The following DNAH17 variants were observed in gnomAD, a reference collection of about 807,000 sequenced individuals.
The protein encoded by DNAH17 is axonemal beta dynein heavy chain 17.
A neutral mutation model predicts 485.6 loss-of-function variants in DNAH17; 376 were observed. The ratio of observed to expected loss-of-function variants is 0.77; its 90% CI spans 0.71 to 0.84. DNAH17 has a LOEUF of 0.84. Among genes scored for constraint, DNAH17 ranks in the 40% least tolerant of loss-of-function variants. The pLI, the probability that DNAH17 is intolerant of heterozygous loss-of-function variation, is 0.00. For synonymous variants in DNAH17, 3,031 were observed against 2,405.9 expected (o/e 1.26, Z -7.60); for missense variants, 6,370 against 5,839.3 (o/e 1.09, Z -2.96).
At chr17:78,468,971 A>AT (rs1568101384) in intron 54 of DNAH17, 88 bp from the exon 55 acceptor site, 3 of 1,478,712 alleles carry the variant, frequency 2.0e-6, no homozygotes, top group East Asian at 2.3e-5. Flanking sequence ...GCACAGGGCC[A>AT]TTTTTTCTTT....
chr17:78,556,929 T>TGATACC (rs1366408145), intron 14 of DNAH17, among the ~76,000 whole-genome samples: 1 of 152,192 alleles, frequency 6.6e-6, no homozygotes, highest in Non-Finnish European at 1.5e-5. Context: ...AGAACACGTA[T>TGATACC]GATACCATTG....
chr17:78,499,109 A>G lies in DNAH17; in HGVS notation c.5644T>C (p.Cys1882Arg), dbSNP rs1269038116. 2 of 1,582,578 alleles carry G rather than the reference A, an allele frequency of 1.3e-6. No homozygotes were observed. Among genetic ancestry groups the G allele is most frequent in the Non-Finnish European group, 1.7e-6 (2 of 1,165,244 alleles). Residue 1882 changes from cysteine (C) to arginine (R), a missense_variant, in exon 37 of 81, where the codon TGT (cysteine) becomes CGT (arginine). Coordinates refer to ENST00000389840, the MANE Select transcript of DNAH17 (RefSeq NM_173628.4). ...GCCAGGCCCTTGTAGATATTTCCAC[A>G]GGACTGGAAAGGGCGAGATGGAGAA... ...NCSEQMDYKSCGNIYKGLAQT... is the reference protein window; with the variant it reads ...NCSEQMDYKSRGNIYKGLAQT...
Position 78,475,797 on chromosome 17 carries a change from T to C in DNAH17, c.8191A>G (p.Ile2731Val). 6.2e-7 allele frequency: 1 copy of C among 1,613,844 alleles called. No homozygotes were observed. The highest frequency in any genetic ancestry group is 1.1e-5 in the South Asian group (1 of 91,054). The change falls in exon 53 of 81, where the codon ATC (isoleucine) becomes GTC (valine). Residue 2731 changes from isoleucine (I) to valine (V), a missense_variant. Physicochemically the swap from Ile to Val is conservative, Grantham distance 29. Coordinates refer to ENST00000389840, the MANE Select transcript of DNAH17 (RefSeq NM_173628.4). ...ATCCCTTGAGCAAAGTGGCAGAAGATATTTGGCTTGGCAAATAAGAGTTCA... is the reference window on the plus strand; with the variant it reads ...ATCCCTTGAGCAAAGTGGCAGAAGACATTTGGCTTGGCAAATAAGAGTTCA... ...GDELLFAKPNIFCHFAQGIGD... is the reference protein window; with the variant it reads ...GDELLFAKPNVFCHFAQGIGD...
chr17:78,463,041 A>G lies in DNAH17; in HGVS notation c.8977T>C (p.Tyr2993His). 6.2e-7 allele frequency: 1 copy of G among 1,613,976 alleles called. No homozygotes were observed. Among genetic ancestry groups the G allele is most frequent in the East Asian group, 2.2e-5 (1 of 44,890 alleles). Reference protein sequence around the residue: ...VKASISFFMSYVHTTVNEMSR... With the variant: ...VKASISFFMSHVHTTVNEMSR... Reference sequence around the variant, plus strand: ...ATCTCGTTGACGGTGGTGTGCACGTAGGACATGAAGAAGCTGATGGAGGCC... The same window carrying G: ...ATCTCGTTGACGGTGGTGTGCACGTGGGACATGAAGAAGCTGATGGAGGCC... The change falls in exon 57 of 81, where the codon TAC (tyrosine) becomes CAC (histidine). Residue 2993 changes from tyrosine to histidine, a missense_variant. Coordinates refer to ENST00000389840, the MANE Select transcript of DNAH17 (RefSeq NM_173628.4).
intron 44 of DNAH17, 55 bp downstream of exon 44, chr17:78,490,644 C>A (rs563921977): frequency 9.7e-6 from 15 of 1,550,332 alleles, no homozygotes; most frequent in Middle Eastern, 1.7e-4. Context: ...AACAGGCCAA[C>A]AAGTTCGTTT....
chr17:78,513,631 T>C (rs1294708272), intron 26 of DNAH17, among the ~76,000 whole-genome samples: 1 of 152,160 alleles, frequency 6.6e-6, no homozygotes, highest in African/African-American at 2.4e-5. Context: ...GGATGGGGTT[T>C]CACCATGTTG....
At chr17:78,444,269 C>G (rs2087187087) in intron 71 of DNAH17, among the ~76,000 whole-genome samples, 1 of 152,146 alleles carries the variant, frequency 6.6e-6, no homozygotes, top group South Asian at 2.1e-4. Flanking sequence ...TGTGGGGAGT[C>G]TTTTCTTCCT....
At chr17:78,498,613 G>A (rs933700472) in intron 37 of DNAH17, among the ~76,000 whole-genome samples, 4 of 152,084 alleles carry the variant, frequency 2.6e-5, no homozygotes, top group African/African-American at 4.8e-5. Context: ...CAAAACACAC[G>A]GGCGCATTTC....
chr17:78,541,728 C>T (rs933404749), intron 17 of DNAH17, among the ~76,000 whole-genome samples: 6 of 152,204 alleles, frequency 3.9e-5, no homozygotes, highest in Non-Finnish European at 5.9e-5. Flanking sequence ...CCTGCCTCCT[C>T]GCCTGCCCTC....
intron 10 of DNAH17, 37 bp from the exon 11 acceptor site, chr17:78,566,767 G>T: frequency 6.6e-7 from 1 of 1,525,462 alleles, no homozygotes. Flanking sequence ...TGTAATCAGC[G>T]TGCAAAGCAA....
In DNAH17 at chr17:78,486,523, G is replaced by A. The variant is rs1448928665; in HGVS notation, c.6819-17C>T. ...CTCACCACCCTGGGGGTGACAGGAG[G>A]CGCCGATGACACAGCCGCTGCTCTG... On this transcript the variant is annotated splice_polypyrimidine_tract_variant and intron_variant, in intron 44 of 80. Coordinates refer to ENST00000389840, the MANE Select transcript of DNAH17 (RefSeq NM_173628.4). 1.3e-6 allele frequency: 2 copies of A among 1,587,140 alleles called. No individual in the cohort carries two copies. The highest frequency in any genetic ancestry group is 1.1e-5 in the South Asian group (1 of 87,852).
At chr17:78,567,576 C>T (rs1049875735) in intron 9 of DNAH17, among the ~76,000 whole-genome samples, 11 of 152,124 alleles carry the variant, frequency 7.2e-5, no homozygotes, top group African/African-American at 1.4e-4. Flanking sequence ...TTAAATTCCC[C>T]GCTACCTGGA....
chr17:78,571,791 T>C lies in DNAH17; in HGVS notation c.540-9A>G. 2.6e-6 allele frequency: 4 copies of C among 1,566,982 alleles called. No homozygotes were observed. The highest frequency in any genetic ancestry group is 3.5e-6 in the Non-Finnish European group (4 of 1,155,546). Reference sequence around the variant, plus strand: ...CCAGTGAAGAGGGGATCCTGCCCAGTGGAAGGTTGGGGCATTGCTCTCATG... The same window carrying C: ...CCAGTGAAGAGGGGATCCTGCCCAGCGGAAGGTTGGGGCATTGCTCTCATG... On this transcript the variant is annotated splice_polypyrimidine_tract_variant and intron_variant, in intron 3 of 80. Transcript: ENST00000389840.
At chr17:78,506,944 A>T in intron 29 of DNAH17, 98 bp from the exon 30 acceptor site, 1 of 1,510,992 alleles carries the variant, frequency 6.6e-7, no homozygotes, top group Non-Finnish European at 9.0e-7. Context: ...CATCCTGGAG[A>T]TGCCTGGACT....
At chr17:78,490,550 C>G in intron 44 of DNAH17, 149 bp downstream of exon 44, 2 of 1,086,686 alleles carry the variant, frequency 1.8e-6, no homozygotes, top group Non-Finnish European at 2.6e-6. Context: ...GGTCTCTCAC[C>G]CCTTCACTGC....
intron 27 of DNAH17, 77 bp downstream of exon 27, chr17:78,510,306 TG>T (rs2090598595): frequency 1.6e-5 from 25 of 1,583,930 alleles, no homozygotes; most frequent in Non-Finnish European, 2.1e-5. Context: ...AGGACCCCTC[TG>T]GGCGCTCTCA....
Position 78,561,717 on chromosome 17 carries a change from G to C in DNAH17, c.1833C>G (p.His611Gln). ...CCCTGCCCAGGGCTGTGACTCACGG[G>C]TGTTCGACGTGCTTCAGGTGTTTCA... is the stretch of plus-strand genomic sequence containing the variant. ...VSMKHLKHVE[H>Q]PVMSGAEAKL... is the part of the protein sequence containing the mutation. Residue 611 changes from histidine to glutamine, a missense_variant and splice_region_variant, in exon 12 of 81, where the codon CAC (histidine) becomes CAG (glutamine). Coordinates refer to ENST00000389840, the MANE Select transcript of DNAH17 (RefSeq NM_173628.4). 1 of 1,604,524 alleles carries C rather than the reference G, an allele frequency of 6.2e-7. No individual in the cohort carries two copies.
At chr17:78,445,255 G>C (rs1044673098) in intron 70 of DNAH17, among the ~76,000 whole-genome samples, 2 of 151,964 alleles carry the variant, frequency 1.3e-5, no homozygotes. Flanking sequence ...AGGAGAGGTT[G>C]AGGGAGGGAT....
intron 66 of DNAH17, 70 bp downstream of exon 66, chr17:78,451,399 C>T (rs1598470497): frequency 4.8e-6 from 7 of 1,460,810 alleles, no homozygotes; most frequent in Non-Finnish European, 6.5e-6. Flanking sequence ...GTCGGGGACC[C>T]TCACAGTGAC....
Sources: allele counts gnomAD v4.1 joint callset (sites outside exome capture counted in the v4.1 genomes callset), GRCh38; gene constraint gnomAD v4.1.1; transcripts MANE v1.5; gene names NCBI Gene and HGNC (gene_info 2026-07-23, HGNC 2026-07-21).